FCHSD2: variants seen among roughly 807,000 people sequenced by gnomAD.
FCHSD2 encodes the protein FCH and double SH3 domains 2.
In FCHSD2, 38 loss-of-function variants were observed where a neutral mutation model predicts 108.1. That is an observed-to-expected ratio of 0.35 (90% CI 0.27 to 0.46). The LOEUF (loss-of-function observed/expected upper bound fraction) is 0.46. FCHSD2 is among the 20% of genes least tolerant of loss of function. FCHSD2 has a pLI of 1.00. For synonymous variants in FCHSD2, 279 were observed against 314.7 expected (o/e 0.89, Z 1.20); for missense variants, 751 against 897.8 (o/e 0.84, Z 2.09).
intron 9 of FCHSD2, among the ~76,000 whole-genome samples, chr11:72,910,325 C>T (rs1459383777): frequency 6.6e-6 from 1 of 152,166 alleles, no homozygotes; most frequent in Non-Finnish European, 1.5e-5. Context: ...CCCAACAGCT[C>T]CGAAGAGACA....
At chr11:73,125,828 T>A (rs1002270156) in intron 2 of FCHSD2, among the ~76,000 whole-genome samples, 7 of 152,070 alleles carry the variant, frequency 4.6e-5, no homozygotes, top group African/African-American at 1.7e-4. Context: ...TTCAATTGAT[T>A]CAATGTAACT....
chr11:72,939,609 CTTTTTTTTTTTT>C (rs1194333407), intron 8 of FCHSD2, among the ~76,000 whole-genome samples: 2 of 65,464 alleles, frequency 3.1e-5, no homozygotes, highest in South Asian at 9.0e-4. Context: ...CTTTCTTTTC[CTTTTTTTTTTTT>C]TTTTTTTTTT....
intron 2 of FCHSD2, among the ~76,000 whole-genome samples, chr11:73,101,083 A>G (rs1403760701): frequency 6.6e-6 from 1 of 152,170 alleles, no homozygotes; most frequent in Non-Finnish European, 1.5e-5. Flanking sequence ...CCTCTACCTC[A>G]ATATGATGCT....
intron 2 of FCHSD2, among the ~76,000 whole-genome samples, chr11:73,085,196 CCAATA>C (rs2135516149): frequency 6.6e-6 from 1 of 152,090 alleles, no homozygotes; most frequent in East Asian, 1.9e-4. Flanking sequence ...CTTCAAATGG[CCAATA>C]CAATAAAACG....
chr11:73,001,538 T>C (rs1033613055), intron 4 of FCHSD2, among the ~76,000 whole-genome samples: 3 of 152,208 alleles, frequency 2.0e-5, no homozygotes, highest in African/African-American at 7.2e-5. Flanking sequence ...AGAGAGATTT[T>C]AGAGTATCAC....
At chr11:72,869,889 A>G (rs946365632) in intron 12 of FCHSD2, among the ~76,000 whole-genome samples, 1 of 152,118 alleles carries the variant, frequency 6.6e-6, no homozygotes, top group Non-Finnish European at 1.5e-5. Flanking sequence ...CCAGTTTAAA[A>G]ACTTTCATAA....
At chr11:72,886,623 C>T (rs373054301) in intron 12 of FCHSD2, among the ~76,000 whole-genome samples, 1 of 152,148 alleles carries the variant, frequency 6.6e-6, no homozygotes, top group African/African-American at 2.4e-5. Context: ...ACCCCTTCAC[C>T]ACATTGCTGC....
intron 7 of FCHSD2, 73 bp from the exon 8 acceptor site, chr11:72,984,289 T>C (rs887117189): frequency 7.0e-7 from 1 of 1,421,790 alleles, no homozygotes; most frequent in Non-Finnish European, 9.8e-7. Context: ...ATCCTACTCT[T>C]AGTTTGCAAT....
At chr11:73,043,309 G>A (rs183523300) in intron 3 of FCHSD2, among the ~76,000 whole-genome samples, 11 of 152,070 alleles carry the variant, frequency 7.2e-5, no homozygotes, top group Non-Finnish European at 1.3e-4. Context: ...TAAAAGGCTC[G>A]GTCAAGTAGT....
rs1041691726 is a variant in FCHSD2, at chr11:72,941,080, C to G, written c.706-19130G>C. On this transcript the variant is annotated intron_variant, in intron 8 of 19. Coordinates refer to ENST00000409418, the MANE Select transcript of FCHSD2 (RefSeq NM_014824.3). ...TTCTTGCCGGGCAGCTTAGAGAAGG[C>G]GCAAAACTCTCCAGTTCCACTGTTA... 6.6e-5 allele frequency: 39 copies of G among 590,436 alleles called. 1 individual carries two copies. The highest frequency in any genetic ancestry group is 6.1e-4 in the African/African-American group (33 of 54,304). 36.6% of individuals were successfully genotyped at this position (590,436 alleles called of 1,614,324 possible).
chr11:72,987,557 CT>C (rs1162870204), intron 6 of FCHSD2, among the ~76,000 whole-genome samples: 1 of 152,154 alleles, frequency 6.6e-6, no homozygotes, highest in African/African-American at 2.4e-5. Flanking sequence ...GCATTCCTTA[CT>C]CTATAGTTGA....
At chr11:73,055,708 C>T (rs1490885398) in intron 3 of FCHSD2, among the ~76,000 whole-genome samples, 1 of 151,788 alleles carries the variant, frequency 6.6e-6, no homozygotes, top group Non-Finnish European at 1.5e-5. Context: ...ATTTGAAAAC[C>T]ATTATTTAAA....
chr11:73,032,545 C>T (rs946194574), intron 3 of FCHSD2, among the ~76,000 whole-genome samples: 27 of 151,306 alleles, frequency 1.8e-4, no homozygotes, highest in African/African-American at 6.1e-4. Flanking sequence ...CACTTAATTG[C>T]TCAGTATTTT....
Position 72,842,601 on chromosome 11 carries a change from C to T in FCHSD2, c.1926+20G>A. 6.2e-7 allele frequency: 1 copy of T among 1,613,478 alleles called. No homozygotes were observed. On this transcript the variant is annotated intron_variant, in intron 17 of 19. Transcript: ENST00000409418. Reference sequence around the variant, plus strand: ...TTTCTTTAAACATCTTTTAATTCAACTGTCTCCCCTCTCAGGTACCTGAAT... The same window carrying T: ...TTTCTTTAAACATCTTTTAATTCAATTGTCTCCCCTCTCAGGTACCTGAAT...
intron 8 of FCHSD2, among the ~76,000 whole-genome samples, chr11:72,961,271 G>T (rs1203382721): frequency 1.3e-5 from 2 of 152,052 alleles, no homozygotes; most frequent in African/African-American, 2.4e-5. Flanking sequence ...TCACTCTGTT[G>T]CCCAGGCTGG....
intron 5 of FCHSD2, among the ~76,000 whole-genome samples, chr11:72,999,450 G>A (rs984131135): frequency 1.3e-5 from 2 of 151,500 alleles, no homozygotes; most frequent in Non-Finnish European, 2.9e-5. Context: ...CTCCCGAGTA[G>A]CTGGAACTAC....
chr11:73,075,350 T>C (rs1446255072), intron 3 of FCHSD2, among the ~76,000 whole-genome samples: 1 of 152,140 alleles, frequency 6.6e-6, no homozygotes, highest in Admixed American at 6.5e-5. Flanking sequence ...AAGATACATA[T>C]AAGAATGTTC....
At chr11:73,104,819 A>G (rs576509146) in intron 2 of FCHSD2, among the ~76,000 whole-genome samples, 61 of 152,278 alleles carry the variant, frequency 4.0e-4, no homozygotes, top group African/African-American at 1.4e-3. Context: ...CGGCCTCCCA[A>G]AGTGCTGGGA....
At position 72,838,858 on chromosome 11, in the gene FCHSD2, G is replaced by A. The variant is rs779305377; in HGVS notation, c.2156C>T (p.Pro719Leu). Reference protein sequence around the residue: ...GKLRPVRAAPPPPTQNHRRPA... With the variant: ...GKLRPVRAAPLPPTQNHRRPA... ...CCTTCGGTGATTCTGTGTAGGTGGAGGGGGAGCTGCCCGGACCTGAGCAGG... is the reference window on the plus strand; with the variant it reads ...CCTTCGGTGATTCTGTGTAGGTGGAAGGGGAGCTGCCCGGACCTGAGCAGG... The change falls in exon 20 of 20, where the codon CCT (proline) becomes CTT (leucine). Residue 719 changes from proline to leucine, a missense_variant. Pro to Leu is a moderately conservative substitution (Grantham distance 98). Coordinates refer to ENST00000409418, the MANE Select transcript of FCHSD2 (RefSeq NM_014824.3). 6.2e-7 allele frequency: 1 copy of A among 1,607,490 alleles called. No individual in the cohort carries two copies. The highest frequency in any genetic ancestry group is 8.5e-7 in the Non-Finnish European group (1 of 1,177,840).
Sources: allele counts gnomAD v4.1 joint callset (sites outside exome capture counted in the v4.1 genomes callset), GRCh38; gene constraint gnomAD v4.1.1; transcripts MANE v1.5; gene names NCBI Gene and HGNC (gene_info 2026-07-23, HGNC 2026-07-21).